LRRC4C: variants seen among roughly 807,000 people sequenced by gnomAD.
The protein encoded by LRRC4C is leucine rich repeat containing 4C.
A neutral mutation model predicts 33.6 loss-of-function variants in LRRC4C; 5 were observed. The ratio of observed to expected loss-of-function variants is 0.15; its 90% CI spans 0.08 to 0.31. The LOEUF (loss-of-function observed/expected upper bound fraction) is 0.31. LRRC4C is among the 10% of genes least tolerant of loss of function. The pLI is 1.00. For missense variants in LRRC4C, 560 were observed against 796.7 expected, an observed-to-expected ratio of 0.70 and a Z score of 3.58; for synonymous variants, 329 against 302.0, an observed-to-expected ratio of 1.09 and a Z score of -0.93.
chr11:41,323,713 C>A (rs998381151), intron 1 of LRRC4C, among the ~76,000 whole-genome samples: 1 of 152,150 alleles, frequency 6.6e-6, no homozygotes, highest in Admixed American at 6.5e-5. Flanking sequence ...GCCCGTCTTA[C>A]ATCTGAGAGA....
intron 3 of LRRC4C, among the ~76,000 whole-genome samples, chr11:40,590,510 G>A (rs556264899): frequency 8.7e-4 from 132 of 152,058 alleles, no homozygotes; most frequent in African/African-American, 2.4e-3. Context: ...GCTTTTTTCC[G>A]TTGCTGGTGA....
chr11:40,753,389 T>A (rs1194989910), intron 2 of LRRC4C, among the ~76,000 whole-genome samples: 2 of 151,698 alleles, frequency 1.3e-5, no homozygotes, highest in Non-Finnish European at 2.9e-5. Flanking sequence ...AATACTCACA[T>A]GTACCATATA....
intron 1 of LRRC4C, among the ~76,000 whole-genome samples, chr11:41,310,839 T>A (rs980145120): frequency 6.6e-6 from 1 of 152,218 alleles, no homozygotes; most frequent in Admixed American, 6.5e-5. Context: ...ATTTAAAATA[T>A]AACTTCGTAT....
intron 3 of LRRC4C, among the ~76,000 whole-genome samples, chr11:40,519,445 C>T (rs957780814): frequency 6.6e-6 from 1 of 152,064 alleles, no homozygotes; most frequent in African/African-American, 2.4e-5. Context: ...TTCTTAGGTG[C>T]CTTCTTTCCT....
At chr11:41,101,195 C>A (rs2135613498) in intron 1 of LRRC4C, among the ~76,000 whole-genome samples, 1 of 152,240 alleles carries the variant, frequency 6.6e-6, no homozygotes, top group African/African-American at 2.4e-5. Flanking sequence ...GCAAAATAAA[C>A]TACCAACAGA....
rs190815856 is a variant in LRRC4C at position 41,259,045 on chromosome 11, G to A, written c.-496+200386C>T. On this transcript the variant is annotated intron_variant, in intron 1 of 6. Transcript: ENST00000528697. Reference sequence around the variant, plus strand: ...GAAATTTGCTTGCTAAAAAGCATCCGTAAGAGCAGACTATATCCTTTCTAA... The same window carrying A: ...GAAATTTGCTTGCTAAAAAGCATCCATAAGAGCAGACTATATCCTTTCTAA... Among the ~76,000 whole-genome samples the A allele has an allele frequency of 2.2e-4, 34 of 152,144 alleles. No individual in the cohort carries two copies. The East Asian group carries it at 3.5e-3, about 16-fold the overall frequency.
intron 3 of LRRC4C, among the ~76,000 whole-genome samples, chr11:40,589,693 C>A: frequency 6.6e-6 from 1 of 151,728 alleles, no homozygotes; most frequent in East Asian, 1.9e-4. Context: ...AATCTCTCAG[C>A]ATTTGCTTGT....
chr11:40,584,235 T>G (rs914777004), intron 3 of LRRC4C, among the ~76,000 whole-genome samples: 1 of 137,428 alleles, frequency 7.3e-6, no homozygotes, highest in African/African-American at 2.7e-5. Context: ...GACAGTCTTG[T>G]GCACTGCCAA....
chr11:40,405,983 C>G (rs958092721), intron 3 of LRRC4C, among the ~76,000 whole-genome samples: 7 of 151,974 alleles, frequency 4.6e-5, no homozygotes, highest in African/African-American at 1.7e-4. Context: ...TACTAAACTT[C>G]CATCTTGTTT....
intron 3 of LRRC4C, among the ~76,000 whole-genome samples, chr11:40,427,361 G>A (rs1950755040): frequency 6.6e-6 from 1 of 151,906 alleles, no homozygotes; most frequent in South Asian, 2.1e-4. Context: ...AAAAAATTTA[G>A]CCAGGCATGG....
At chr11:40,308,371 A>T (rs138585614) in intron 4 of LRRC4C, among the ~76,000 whole-genome samples, 51 of 152,336 alleles carry the variant, frequency 3.3e-4, no homozygotes, top group African/African-American at 1.2e-3. Context: ...ACTTCATAGC[A>T]TTGTAAATAT....
At chr11:40,597,263 T>C (rs1439188551) in intron 3 of LRRC4C, among the ~76,000 whole-genome samples, 3 of 152,118 alleles carry the variant, frequency 2.0e-5, no homozygotes, top group Non-Finnish European at 4.4e-5. Context: ...ACCATATTAG[T>C]CAAGAAATTA....
intron 3 of LRRC4C, among the ~76,000 whole-genome samples, chr11:40,496,505 T>C (rs1954466403): frequency 6.6e-6 from 1 of 152,094 alleles, no homozygotes; most frequent in Admixed American, 6.5e-5. Context: ...TTCATATTCT[T>C]GGTTTTTATT....
At chr11:41,214,255 G>A (rs2136332776) in intron 1 of LRRC4C, among the ~76,000 whole-genome samples, 1 of 152,196 alleles carries the variant, frequency 6.6e-6, no homozygotes, top group South Asian at 2.1e-4. Context: ...TGACCCAAGT[G>A]AGAAGAAAAT....
chr11:40,316,603 GT>G (rs1423426296), intron 4 of LRRC4C, among the ~76,000 whole-genome samples: 1 of 151,974 alleles, frequency 6.6e-6, no homozygotes, highest in African/African-American at 2.4e-5. Context: ...CAAATGAGTG[GT>G]TGTATTTTCT....
intron 1 of LRRC4C, among the ~76,000 whole-genome samples, chr11:41,452,557 T>C (rs1564962105): frequency 6.6e-6 from 1 of 152,108 alleles, no homozygotes; most frequent in Admixed American, 6.6e-5. Flanking sequence ...TATGACCTTT[T>C]CTCTTGTTTA....
intron 1 of LRRC4C, among the ~76,000 whole-genome samples, chr11:41,085,769 T>C (rs1272877001): frequency 1.3e-5 from 2 of 151,868 alleles, no homozygotes; most frequent in Non-Finnish European, 2.9e-5. Context: ...TGTTTTTGAC[T>C]CTTAGCAACA....
intron 1 of LRRC4C, among the ~76,000 whole-genome samples, chr11:41,266,557 T>C (rs531010231): frequency 3.5e-4 from 53 of 152,188 alleles, no homozygotes; most frequent in Middle Eastern, 3.4e-3. Context: ...GACAGAGCAA[T>C]TGAAATGAGA....
intron 3 of LRRC4C, among the ~76,000 whole-genome samples, chr11:40,463,305 G>GGGGT (rs1491478180): frequency 6.9e-6 from 1 of 144,496 alleles, no homozygotes; most frequent in Admixed American, 7.0e-5. Flanking sequence ...ATGTGTTACT[G>GGGGT]GTGTGTGTGT....
Sources: gnomAD v4.1 joint callset for allele counts (sites outside exome capture counted in the v4.1 genomes callset) on GRCh38, gnomAD v4.1.1 for gene constraint, MANE v1.5 for transcripts, NCBI Gene and HGNC (gene_info 2026-07-23, HGNC 2026-07-21) for gene names.